The following COL27A1 variants were observed in gnomAD, a reference collection of about 807,000 sequenced individuals.
The protein encoded by COL27A1 is collagen type XXVII alpha 1 chain, also known as collagen alpha-1(XXVII) chain.
In COL27A1, 106 loss-of-function variants were observed where a neutral mutation model predicts 251.3. The observed-to-expected ratio is 0.42, with a 90% CI of 0.36 to 0.50. The LOEUF (loss-of-function observed/expected upper bound fraction) is 0.50, where lower values mean the gene tolerates loss of function less well. COL27A1 is among the 20% of genes least tolerant of loss of function. The pLI is 0.00. For missense variants in COL27A1, 2,325 were observed against 2,522.8 expected (o/e 0.92, Z 1.68); for synonymous variants, 1,000 against 986.3 (o/e 1.01, Z -0.26).
At chr9:114,226,325 C>A (rs927331897) in intron 14 of COL27A1, among the ~76,000 whole-genome samples, 3 of 152,196 alleles carry the variant, frequency 2.0e-5, no homozygotes, top group African/African-American at 7.2e-5. Flanking sequence ...ATGCACCAAA[C>A]CCTCTTGTGC....
Position 114,178,445 on chromosome 9 carries a change from C to T in COL27A1, c.1962+101C>T, listed in dbSNP as rs1265213521. On this transcript the variant is annotated intron_variant, in intron 4 of 60. Coordinates refer to ENST00000356083, the MANE Select transcript of COL27A1 (RefSeq NM_032888.4). ...GTTTGCTGTGTGTCCTCAGGTTCTT[C>T]CCTCCCCCTCTCTGGCACCCATATT... 4.3e-5 allele frequency: 45 copies of T among 1,048,928 alleles called. 1 individual carries two copies. The South Asian group carries it at 5.0e-4, about 12-fold the overall frequency. 65.0% of individuals were successfully genotyped at this position (1,048,928 alleles called of 1,614,324 possible).
chr9:114,252,643 G>A lies in COL27A1; in HGVS notation c.3084G>A (p.Ser1028=), dbSNP rs769992108. 8.7e-6 allele frequency: 14 copies of A among 1,613,436 alleles called. No homozygotes were observed. Among genetic ancestry groups the A allele is most frequent in the Admixed American group, 8.3e-5 (5 of 60,006 alleles). Residue 1028 remains serine, a synonymous_variant, in exon 26 of 61, where the codon TCG becomes TCA. Coordinates refer to ENST00000356083, the MANE Select transcript of COL27A1 (RefSeq NM_032888.4). ...GPPGVPGPKG[S]MGHPGMPGGM... is the part of the protein sequence containing the mutation. ...CAGGCGTGCCTGGACCCAAGGGGTC[G>A]ATGGTAAGGAGTAAGTCTGCATCCT...
intron 25 of COL27A1, among the ~76,000 whole-genome samples, chr9:114,252,126 C>T (rs182606804): frequency 1.3e-5 from 2 of 152,290 alleles, no homozygotes; most frequent in Non-Finnish European, 2.9e-5. Context: ...CTGGATTGGT[C>T]GAGAGGGAAT....
rs1588567116 is a variant in COL27A1 at position 114,168,306 on chromosome 9, TC to T, written c.754del (p.Gln252LysfsTer16). 2 of 1,613,334 alleles carry T rather than the reference TC, an allele frequency of 1.2e-6. No homozygotes were observed. Among genetic ancestry groups the T allele is most frequent in the Non-Finnish European group, 8.5e-7 (1 of 1,179,998 alleles). On this transcript the variant is annotated frameshift_variant, in exon 3 of 61. Transcript: ENST00000356083. LOFTEE classifies it high-confidence loss of function. Reference sequence around the variant, plus strand: ...CCAGTCCCCACTGGGACCTCTCTTCTCCCAAGACTCTGGCAGACCTTTTACC... The same window carrying T: ...CCAGTCCCCACTGGGACCTCTCTTCTCCAAGACTCTGGCAGACCTTTTACC... ...TYQSPLGPLF[S>X]QDSGRPFTFQ... is the part of the protein sequence containing the mutation.
intron 2 of COL27A1, among the ~76,000 whole-genome samples, chr9:114,167,255 T>C (rs941478577): frequency 3.9e-5 from 6 of 152,208 alleles, no homozygotes; most frequent in Middle Eastern, 3.2e-3. Flanking sequence ...TAGTATTAGT[T>C]ATTATTTGAA....
chr9:114,193,378 G>A (rs1828883104), intron 5 of COL27A1, among the ~76,000 whole-genome samples: 1 of 152,148 alleles, frequency 6.6e-6, no homozygotes, highest in African/African-American at 2.4e-5. Flanking sequence ...GCCAGGATCT[G>A]TGTGACAGGG....
At chr9:114,288,416 AG>A in intron 41 of COL27A1, 38 bp from the exon 42 acceptor site, 3 of 1,599,476 alleles carry the variant, frequency 1.9e-6, no homozygotes, top group Non-Finnish European at 2.6e-6. Context: ...ATTCCCCAGG[AG>A]CAGGCGGTTT....
At chr9:114,190,062 G>A (rs1240101238) in intron 5 of COL27A1, among the ~76,000 whole-genome samples, 1 of 152,162 alleles carries the variant, frequency 6.6e-6, no homozygotes, top group African/African-American at 2.4e-5. Flanking sequence ...GATAGTGAGA[G>A]GCCTAGTGAA....
In COL27A1 at chr9:114,310,816, A is replaced by AGGG; in HGVS notation, c.*122_*123insGGG. 1 of 1,015,452 alleles carries AGGG rather than the reference A, an allele frequency of 9.8e-7. No individual in the cohort carries two copies. Among genetic ancestry groups the AGGG allele is most frequent in the Non-Finnish European group, 1.4e-6 (1 of 694,656 alleles). 62.9% of individuals were successfully genotyped at this position (1,015,452 alleles called of 1,614,324 possible). A position where few individuals can be genotyped will look rare whatever the true frequency, so the allele number is the denominator to read the frequency against. On this transcript the variant is annotated 3_prime_UTR_variant, in exon 61 of 61. Coordinates refer to ENST00000356083, the MANE Select transcript of COL27A1 (RefSeq NM_032888.4). Reference sequence around the variant, plus strand: ...CTCCCCTGCCCAAGGGTCCTTGGGCAGACCCCAGCTGTTGTCTGCCCAGTA... The same window carrying AGGG: ...CTCCCCTGCCCAAGGGTCCTTGGGCAGGGGACCCCAGCTGTTGTCTGCCCAGTA...
In COL27A1 at chr9:114,168,792, C is replaced by G. The variant is rs1227735599; in HGVS notation, c.1237C>G (p.Pro413Ala). Residue 413 changes from proline to alanine, a missense_variant, in exon 3 of 61, where the codon CCA (proline) becomes GCA (alanine). Pro to Ala is a conservative substitution (Grantham distance 27). Coordinates refer to ENST00000356083, the MANE Select transcript of COL27A1 (RefSeq NM_032888.4). ...GAAGCAAGTGCCACCTACTTCCCGT[C>G]CAGTTCCTGCCAGAGTCTCCCGTCC... The part of the protein sequence containing the change: ...TQKQVPPTSR[P>A]VPARVSRPAE... 6.2e-7 allele frequency: 1 copy of G among 1,614,060 alleles called. No homozygotes were observed. Among genetic ancestry groups the G allele is most frequent in the African/African-American group, 1.3e-5 (1 of 75,048 alleles).
At chr9:114,163,509 T>G (rs532496780) in intron 2 of COL27A1, among the ~76,000 whole-genome samples, 8 of 152,256 alleles carry the variant, frequency 5.3e-5, no homozygotes, top group African/African-American at 1.9e-4. Flanking sequence ...CCTGAGGGGC[T>G]GTCCAGGGGG....
At chr9:114,278,494 G>A (rs1158021050) in intron 37 of COL27A1, among the ~76,000 whole-genome samples, 1 of 128,978 alleles carries the variant, frequency 7.8e-6, no homozygotes, top group Non-Finnish European at 1.6e-5. Context: ...AATGGTGGTG[G>A]TGGTACTAAT....
chr9:114,289,219 C>T lies in COL27A1; in HGVS notation c.4153-23C>T, dbSNP rs750927025. 1.3e-5 allele frequency: 20 copies of T among 1,562,482 alleles called. No homozygotes were observed. The East Asian group carries it at 1.4e-4, about 11-fold the overall frequency. ...GGGAGAGAATCCTGGGGCTGCCTTG[C>T]GTCATCTCACCTTGGTTTGCAGGGG... is the stretch of plus-strand genomic sequence containing the variant. On this transcript the variant is annotated intron_variant, in intron 44 of 60. Coordinates refer to ENST00000356083, the MANE Select transcript of COL27A1 (RefSeq NM_032888.4).
At chr9:114,287,462 G>C (rs974132066) in intron 41 of COL27A1, among the ~76,000 whole-genome samples, 1 of 152,140 alleles carries the variant, frequency 6.6e-6, no homozygotes, top group Non-Finnish European at 1.5e-5. Context: ...CAGGGCCTGG[G>C]GTGGCCATGG....
chr9:114,261,309 G>A (rs796939703), intron 28 of COL27A1, among the ~76,000 whole-genome samples: 9 of 150,948 alleles, frequency 6.0e-5, no homozygotes, highest in African/African-American at 2.0e-4. Context: ...CTCGAGGAGC[G>A]GATACAAGAG....
At position 114,301,077 on chromosome 9, in the gene COL27A1, G is replaced by A; in HGVS notation, c.4707G>A (p.Lys1569=). The change falls in exon 52 of 61, where the codon AAG becomes AAA. Residue 1569 remains lysine, a synonymous_variant. Coordinates refer to ENST00000356083, the MANE Select transcript of COL27A1 (RefSeq NM_032888.4). ...AGCCTTTCTGTCTCCTTTAGGGAAA[G>A]GAAGGCATCGTCGGGCCCCTCGGAA... ...GPRGPPGLMG[K]EGIVGPLGIL... 1 of 1,610,126 alleles carries A rather than the reference G, an allele frequency of 6.2e-7. No individual in the cohort carries two copies. Among genetic ancestry groups the A allele is most frequent in the Non-Finnish European group, 8.5e-7 (1 of 1,177,946 alleles).
intron 3 of COL27A1, among the ~76,000 whole-genome samples, 153 bp from the exon 4 acceptor site, chr9:114,178,138 A>C (rs13295426): frequency 0.071 from 10,787 of 152,238 alleles, 429 homozygotes; most frequent in South Asian, 0.13. Flanking sequence ...AAAGAGCATG[A>C]ATTTCTCAGG....
At chr9:114,247,737 T>C (rs892577765) in intron 24 of COL27A1, among the ~76,000 whole-genome samples, 2 of 152,168 alleles carry the variant, frequency 1.3e-5, no homozygotes, top group Non-Finnish European at 2.9e-5. Flanking sequence ...ATGCCAGCCG[T>C]TCCCTTGGCC....
rs187911819 is a variant in COL27A1, at chr9:114,244,033, C to T, written c.2934+473C>T. Among the ~76,000 whole-genome samples, 525 of 151,748 alleles carry T rather than the reference C, an allele frequency of 3.5e-3. 1 individual carries two copies. The highest frequency in any genetic ancestry group is 4.9e-3 in the Non-Finnish European group (335 of 67,944). ...CTCTGCCTCCCAGGTTCAACTGGTCCTCCTGCCTCAGCCTCCCGAGTAGCT... is the reference window on the plus strand; with the variant it reads ...CTCTGCCTCCCAGGTTCAACTGGTCTTCCTGCCTCAGCCTCCCGAGTAGCT... On this transcript the variant is annotated intron_variant, in intron 23 of 60. Coordinates refer to ENST00000356083, the MANE Select transcript of COL27A1 (RefSeq NM_032888.4).
Sources: allele counts gnomAD v4.1 joint callset (sites outside exome capture counted in the v4.1 genomes callset), GRCh38; gene constraint gnomAD v4.1.1; transcripts MANE v1.5; gene names NCBI Gene and HGNC (gene_info 2026-07-23, HGNC 2026-07-21).